Variants in GRM4 observed in about 807,000 individuals in gnomAD.
GRM4 encodes glutamate metabotropic receptor 4, also known as metabotropic glutamate receptor 4.
GRM4 carries 28 observed loss-of-function variants against 81.7 expected under a neutral mutation model. The observed-to-expected ratio is 0.34, with a 90% CI of 0.25 to 0.47. GRM4 has a LOEUF of 0.47. Ranked by LOEUF, GRM4 falls within the 20% of genes least tolerant of loss-of-function variation. GRM4 has a pLI of 1.00. For missense variants in GRM4, 948 were observed against 1,290.0 expected (o/e 0.73, Z 4.06); for synonymous variants, 488 against 528.8 (o/e 0.92, Z 1.06).
chr6:34,082,325 G>C (rs139860043), intron 3 of GRM4, among the ~76,000 whole-genome samples: 1 of 152,352 alleles, frequency 6.6e-6, no homozygotes, highest in African/African-American at 2.4e-5. Context: ...GGGGCAGACC[G>C]CTGTGGAAGT....
chr6:34,103,415 A>C (rs930642143), intron 2 of GRM4, among the ~76,000 whole-genome samples: 4 of 152,326 alleles, frequency 2.6e-5, no homozygotes, highest in Admixed American at 2.6e-4. Context: ...GAGCCTCGGC[A>C]GGGCTGACAA....
chr6:34,104,080 A>G (rs934379569), intron 2 of GRM4, among the ~76,000 whole-genome samples: 2 of 152,256 alleles, frequency 1.3e-5, no homozygotes, highest in Admixed American at 6.5e-5. Context: ...GCCTGGGTTC[A>G]CACCCAGGCC....
intron 10 of GRM4, among the ~76,000 whole-genome samples, chr6:34,026,335 G>A (rs1053016073): frequency 1.3e-5 from 2 of 152,142 alleles, no homozygotes; most frequent in East Asian, 1.9e-4. Flanking sequence ...TCACTGAGCT[G>A]AGAGACAGTG....
chr6:34,051,826 G>C (rs531094646), intron 6 of GRM4, among the ~76,000 whole-genome samples: 35 of 152,304 alleles, frequency 2.3e-4, no homozygotes, highest in African/African-American at 8.4e-4. Context: ...TGGGGATGGA[G>C]CTCTTGGGAG....
At chr6:34,097,309 G>A (rs1768576754) in intron 2 of GRM4, among the ~76,000 whole-genome samples, 1 of 151,860 alleles carries the variant, frequency 6.6e-6, no homozygotes, top group Admixed American at 6.6e-5. Flanking sequence ...CCAGGCCCAG[G>A]GAGCAGCCAG....
At chr6:34,113,248 T>A (rs1769459063) in intron 2 of GRM4, among the ~76,000 whole-genome samples, 1 of 151,494 alleles carries the variant, frequency 6.6e-6, no homozygotes. Context: ...AACGCCTGAG[T>A]TCAAGCGATG....
intron 6 of GRM4, among the ~76,000 whole-genome samples, chr6:34,051,147 G>A (rs111447022): frequency 7.0e-4 from 106 of 152,334 alleles, no homozygotes; most frequent in African/African-American, 2.4e-3. Flanking sequence ...GAAGCCAGGA[G>A]GGGCCTGGGG....
intron 2 of GRM4, among the ~76,000 whole-genome samples, chr6:34,108,527 A>G (rs374192330): frequency 6.6e-6 from 1 of 152,122 alleles, no homozygotes; most frequent in Non-Finnish European, 1.5e-5. Context: ...ACAGAGAAAT[A>G]AGGATTGGAC....
rs1246514468 is a variant in GRM4, at chr6:34,061,153, ACC to A, written c.872+738_872+739del. 3 of 152,162 alleles carry A rather than the reference ACC, an allele frequency of 2.0e-5. No homozygotes were observed. The East Asian group carries it at 5.8e-4, about 29-fold the overall frequency. The allele number at this position is 152,162 out of a possible 1,614,324, so 9.4% of individuals were successfully genotyped here. A position where few individuals can be genotyped will look rare whatever the true frequency, so the allele number is the denominator to read the frequency against. On this transcript the variant is annotated intron_variant, in intron 4 of 10. Transcript: ENST00000538487. ...CAGCCCGGGCCAGATATCTGAGGAG[ACC>A]TGGCAGGGGCCACATCTGCTCTCAG...
chr6:34,107,969 A>G (rs1456503590), intron 2 of GRM4, among the ~76,000 whole-genome samples: 1 of 152,222 alleles, frequency 6.6e-6, no homozygotes, highest in African/African-American at 2.4e-5. Flanking sequence ...GAGCCAGGAG[A>G]CAAGGCTAAC....
chr6:34,154,993 A>T, intron 1 of GRM4: 1 of 1,137,092 alleles, frequency 8.8e-7, no homozygotes, highest in Non-Finnish European at 1.2e-6. Flanking sequence ...AGCGGGACCC[A>T]GGCCCAGTCT....
At chr6:34,075,975 C>T (rs1426244528) in intron 3 of GRM4, among the ~76,000 whole-genome samples, 2 of 152,202 alleles carry the variant, frequency 1.3e-5, no homozygotes, top group African/African-American at 4.8e-5. Context: ...GGGCTAGTGG[C>T]AGAGACCCTG....
At chr6:34,031,192 C>G (rs545695995) in intron 9 of GRM4, among the ~76,000 whole-genome samples, 1 of 152,316 alleles carries the variant, frequency 6.6e-6, no homozygotes, top group African/African-American at 2.4e-5. Context: ...AGGCGGCCTT[C>G]GGGCTATGAT....
At chr6:34,110,686 G>A (rs744102) in intron 2 of GRM4, 848,711 of 1,497,296 alleles carry the variant, frequency 0.57, 243,586 homozygotes, top group Admixed American at 0.7. Context: ...CTCCAGGAGC[G>A]TGTGTCTGCC....
At position 34,047,567 on chromosome 6, in the gene GRM4, G is replaced by A. The variant is rs992355944; in HGVS notation, c.1169-6819C>T. 2.0e-5 allele frequency among the ~76,000 whole-genome samples: 3 copies of A among 151,986 alleles called. No homozygotes were observed. The highest frequency in any genetic ancestry group is 2.9e-5 in the Non-Finnish European group (2 of 67,994). ...GCAGTTTTGCCGGCCCCCTCCTCTC[G>A]AATTTTCATCCTCATCAAGTCGCCT... On this transcript the variant is annotated intron_variant, in intron 6 of 10. Coordinates refer to ENST00000538487, the MANE Select transcript of GRM4 (RefSeq NM_000841.4). The surrounding 1 kb of genome is among the most constrained non-coding windows in gnomAD (Gnocchi z 4.5).
intron 6 of GRM4, among the ~76,000 whole-genome samples, chr6:34,052,599 A>G (rs1369544687): frequency 6.6e-6 from 1 of 152,208 alleles, no homozygotes; most frequent in Non-Finnish European, 1.5e-5. Context: ...CGACTATGGA[A>G]TGTGAGCACC....
In GRM4 at chr6:34,121,082, A is replaced by G. The variant is rs929040403; in HGVS notation, c.519+11896T>C. ...GCCCTTCATGACGGACCCACATTGA[A>G]CATGCCACTCATTTTCAATAAAGTA... On this transcript the variant is annotated intron_variant, in intron 2 of 10. Coordinates refer to ENST00000538487, the MANE Select transcript of GRM4 (RefSeq NM_000841.4). This position sits in a 1 kb window ranked among gnomAD's most constrained non-coding sequence, Gnocchi z 4.6. 6.6e-6 allele frequency among the ~76,000 whole-genome samples: 1 copy of G among 152,150 alleles called. No homozygotes were observed. Among genetic ancestry groups the G allele is most frequent in the African/African-American group, 2.4e-5 (1 of 41,410 alleles).
Position 34,111,818 on chromosome 6 carries a change from T to C in GRM4, c.520-19719A>G, listed in dbSNP as rs1387036609. ...ACACCATGGGCTGATGTTGGCAGCATTGCCCCTCTCCTCAGTCACCAGCCT... is the reference window on the plus strand; with the variant it reads ...ACACCATGGGCTGATGTTGGCAGCACTGCCCCTCTCCTCAGTCACCAGCCT... On this transcript the variant is annotated intron_variant, in intron 2 of 10. Transcript: ENST00000538487. This position sits in a 1 kb window ranked among gnomAD's most constrained non-coding sequence, Gnocchi z 5.1. 6.6e-6 allele frequency among the ~76,000 whole-genome samples: 1 copy of C among 152,148 alleles called. No homozygotes were observed.
chr6:34,022,614 C>T lies in GRM4; in HGVS notation c.*207G>A, dbSNP rs1763933237. 1.7e-6 allele frequency: 1 copy of T among 597,274 alleles called. No homozygotes were observed. The highest frequency in any genetic ancestry group is 1.9e-5 in the African/African-American group (1 of 54,026). The allele number at this position is 597,274 out of a possible 1,614,324, so 37.0% of individuals were successfully genotyped here. ...AGGTTCTTGTGGTAGCCTGGCACCG[C>T]CCCGGCCCCTCGTCCTCCTGTTGCT... On this transcript the variant is annotated 3_prime_UTR_variant, in exon 11 of 11. Transcript: ENST00000538487. This position sits in a 1 kb window ranked among gnomAD's most constrained non-coding sequence, Gnocchi z 5.6.
Sources: allele counts gnomAD v4.1 joint callset (sites outside exome capture counted in the v4.1 genomes callset), GRCh38; gene constraint gnomAD v4.1.1; non-coding constraint Gnocchi (gnomAD v3.1); transcripts MANE v1.5; gene names NCBI Gene and HGNC (gene_info 2026-07-23, HGNC 2026-07-21).